The following EHBP1 variants were observed in gnomAD, a reference collection of about 807,000 sequenced individuals.
The protein encoded by EHBP1 is EH domain binding protein 1.
In EHBP1, 55 loss-of-function variants were observed where a neutral mutation model predicts 144.0. That is an observed-to-expected ratio of 0.38 (90% CI 0.31 to 0.48). The LOEUF is 0.48. Ranked by LOEUF, EHBP1 falls within the 20% of genes least tolerant of loss-of-function variation. EHBP1 has a pLI of 0.98. For synonymous variants in EHBP1, 469 were observed against 472.7 expected (o/e 0.99, Z 0.10); for missense variants, 1,200 against 1,364.2 (o/e 0.88, Z 1.90).
intron 7 of EHBP1, among the ~76,000 whole-genome samples, chr2:62,851,694 G>C (rs925771896): frequency 6.6e-6 from 1 of 152,030 alleles, no homozygotes; most frequent in African/African-American, 2.4e-5. Context: ...TATGATTTGT[G>C]CTAACATTTA....
chr2:62,939,059 C>A (rs1050131184), intron 10 of EHBP1, among the ~76,000 whole-genome samples: 8 of 152,086 alleles, frequency 5.3e-5, no homozygotes, highest in Non-Finnish European at 1.0e-4. Flanking sequence ...AGGCACTGTT[C>A]TGGGCATTTG....
intron 3 of EHBP1, among the ~76,000 whole-genome samples, chr2:62,758,055 C>T (rs2040459273): frequency 6.6e-6 from 1 of 151,664 alleles, no homozygotes; most frequent in Admixed American, 6.6e-5. Flanking sequence ...ATTGCTCACT[C>T]TTTTTTGAGG....
chr2:62,852,651 AAAAT>A (rs550027393), intron 7 of EHBP1, among the ~76,000 whole-genome samples: 3 of 152,134 alleles, frequency 2.0e-5, no homozygotes, highest in African/African-American at 4.8e-5. Flanking sequence ...TTTAAAGTTA[AAAAT>A]AAATCATTTG....
intron 18 of EHBP1, among the ~76,000 whole-genome samples, chr2:62,996,374 C>A (rs947575626): frequency 8.6e-5 from 13 of 151,818 alleles, no homozygotes; most frequent in African/African-American, 2.9e-4. Context: ...TTTTTTTTAA[C>A]TTAGCATTAA....
chr2:62,778,523 G>A (rs2042196190), intron 5 of EHBP1, among the ~76,000 whole-genome samples: 1 of 144,070 alleles, frequency 6.9e-6, no homozygotes, highest in African/African-American at 2.6e-5. Flanking sequence ...CAGCCTGGGC[G>A]ACAGAGTGAG....
chr2:63,040,566 C>A (rs555021091), intron 21 of EHBP1, among the ~76,000 whole-genome samples: 1 of 152,186 alleles, frequency 6.6e-6, no homozygotes, highest in African/African-American at 2.4e-5. Flanking sequence ...AAATATTTTT[C>A]TTTTTAAAGC....
intron 14 of EHBP1, among the ~76,000 whole-genome samples, chr2:62,965,798 G>A (rs2058219067): frequency 6.6e-6 from 1 of 152,140 alleles, no homozygotes. Flanking sequence ...AGTTCTTTAT[G>A]CACTCTACGT....
intron 5 of EHBP1, among the ~76,000 whole-genome samples, chr2:62,810,749 T>G (rs2044932315): frequency 6.6e-6 from 1 of 152,232 alleles, no homozygotes; most frequent in South Asian, 2.1e-4. Context: ...GATTATTATA[T>G]TTCTCTCAGA....
chr2:62,920,865 C>T lies in EHBP1; in HGVS notation c.1186-21853C>T, dbSNP rs1002621649. Among the ~76,000 whole-genome samples, 6 of 152,080 alleles carry T rather than the reference C, an allele frequency of 3.9e-5. No individual in the cohort carries two copies. The East Asian group carries it at 1.2e-3, about 30-fold the overall frequency. The stretch of plus-strand genomic sequence containing the variant: ...GTTTTTTTAAGTAGAGTTGGGTTTT[C>T]ACCATGTTGGCCAGGCTGGTCTCGA... On this transcript the variant is annotated intron_variant, in intron 10 of 22. Coordinates refer to ENST00000431489, the MANE Select transcript of EHBP1 (RefSeq NM_001142616.3).
chr2:62,748,375 C>T (rs1268183150), intron 3 of EHBP1, among the ~76,000 whole-genome samples: 3 of 152,064 alleles, frequency 2.0e-5, no homozygotes, highest in Non-Finnish European at 1.5e-5. Flanking sequence ...TCTATCCTGG[C>T]CAGATTCTAT....
intron 7 of EHBP1, among the ~76,000 whole-genome samples, chr2:62,841,034 T>C (rs2047794569): frequency 6.6e-6 from 1 of 152,118 alleles, no homozygotes. Context: ...TAAAGAGACA[T>C]GCACACATAT....
intron 1 of EHBP1, among the ~76,000 whole-genome samples, chr2:62,682,850 A>G (rs1390521566): frequency 6.6e-6 from 1 of 152,186 alleles, no homozygotes; most frequent in Non-Finnish European, 1.5e-5. Flanking sequence ...AGCCCACTGC[A>G]CCCTCCACTC....
chr2:62,881,943 A>G (rs1305728207), intron 10 of EHBP1, among the ~76,000 whole-genome samples: 3 of 152,224 alleles, frequency 2.0e-5, no homozygotes, highest in Admixed American at 1.3e-4. Flanking sequence ...AGGAAAGATT[A>G]CAAGTCCCCC....
chr2:63,019,973 G>A (rs1208061566), intron 19 of EHBP1, among the ~76,000 whole-genome samples: 1 of 151,948 alleles, frequency 6.6e-6, no homozygotes, highest in Non-Finnish European at 1.5e-5. Flanking sequence ...CGGATTGCCT[G>A]AGGTCAGGAA....
At chr2:63,005,394 A>G (rs192652681) in intron 19 of EHBP1, among the ~76,000 whole-genome samples, 3 of 152,182 alleles carry the variant, frequency 2.0e-5, no homozygotes, top group East Asian at 3.9e-4. Flanking sequence ...GTGGATAGCA[A>G]CAGCACCGGC....
At chr2:62,867,544 G>A (rs778598526) in intron 9 of EHBP1, among the ~76,000 whole-genome samples, 9 of 151,998 alleles carry the variant, frequency 5.9e-5, no homozygotes, top group Admixed American at 1.3e-4. Flanking sequence ...TGTATATACC[G>A]AAAACAACAG....
chr2:62,943,755 T>C, intron 11 of EHBP1, 47 bp from the exon 12 acceptor site: 3 of 1,351,476 alleles, frequency 2.2e-6, no homozygotes, highest in Non-Finnish European at 2.0e-6. Context: ...AAAACAGCTG[T>C]TTTTATCAAA....
At chr2:62,758,207 C>T (rs1214602645) in intron 3 of EHBP1, among the ~76,000 whole-genome samples, 1 of 152,074 alleles carries the variant, frequency 6.6e-6, no homozygotes, top group Admixed American at 6.5e-5. Flanking sequence ...CTTTCAGGTT[C>T]AAGCAATTCT....
intron 19 of EHBP1, among the ~76,000 whole-genome samples, chr2:62,998,993 G>A (rs756021163): frequency 2.0e-5 from 3 of 152,148 alleles, no homozygotes; most frequent in Non-Finnish European, 2.9e-5. Context: ...TTGGGTTCCA[G>A]TTTATTCCAA....
Sources: allele counts gnomAD v4.1 joint callset (sites outside exome capture counted in the v4.1 genomes callset), GRCh38; gene constraint gnomAD v4.1.1; transcripts MANE v1.5; gene names NCBI Gene and HGNC (gene_info 2026-07-23, HGNC 2026-07-21).